The following DRC1 variants were observed in gnomAD, a reference collection of about 807,000 sequenced individuals.
The protein encoded by DRC1 is dynein regulatory complex protein 1.
In DRC1, 74 loss-of-function variants were observed where a neutral mutation model predicts 98.7. The ratio of observed to expected loss-of-function variants is 0.75; its 90% CI spans 0.62 to 0.91. The LOEUF is 0.91. Among genes scored for constraint, DRC1 ranks in the 40% least tolerant of loss-of-function variants. The pLI, the probability that DRC1 is intolerant of heterozygous loss-of-function variation, is 0.00. For missense variants in DRC1, 875 were observed against 886.0 expected, an observed-to-expected ratio of 0.99 and a Z score of 0.16; for synonymous variants, 336 against 334.1, an observed-to-expected ratio of 1.01 and a Z score of -0.06.
At chr2:26,414,004 G>A (rs1678709068) in intron 1 of DRC1, among the ~76,000 whole-genome samples, 1 of 151,526 alleles carries the variant, frequency 6.6e-6, no homozygotes, top group South Asian at 2.1e-4. Context: ...CAGTCCTTCT[G>A]CCTTGGCCTC....
intron 10 of DRC1, 79 bp from the exon 11 acceptor site, chr2:26,448,612 C>T: frequency 7.1e-7 from 1 of 1,413,152 alleles, no homozygotes; most frequent in South Asian, 1.2e-5. Flanking sequence ...GGAAAGCCAT[C>T]TGACTGTTTC....
intron 11 of DRC1, among the ~76,000 whole-genome samples, chr2:26,449,344 G>A (rs1663940747): frequency 6.6e-6 from 1 of 152,230 alleles, no homozygotes; most frequent in Admixed American, 6.5e-5. Flanking sequence ...TTCTGAAGTG[G>A]GTATTCTTTT....
intron 10 of DRC1, 96 bp downstream of exon 10, chr2:26,445,044 G>A (rs1663818663): frequency 6.2e-6 from 8 of 1,280,872 alleles, no homozygotes; most frequent in Non-Finnish European, 5.4e-6. Context: ...AGGGAGGAGG[G>A]GGAAGAGTAT....
At position 26,421,277 on chromosome 2, in the gene DRC1, T is replaced by C. The variant is rs1188439108; in HGVS notation, c.244-11T>C. 4 of 1,610,528 alleles carry C rather than the reference T, an allele frequency of 2.5e-6. No homozygotes were observed. In the African/African-American group the frequency reaches 5.4e-5, roughly 22 times the overall value. ...TTCTAGCTTTGTAAATTCTTATATC[T>C]CTCTTTTTAGAAATTGGCTAAACTT... On this transcript the variant is annotated splice_polypyrimidine_tract_variant and intron_variant, in intron 2 of 16. Transcript: ENST00000288710.
At chr2:26,436,504 G>T (rs1663574922) in intron 7 of DRC1, among the ~76,000 whole-genome samples, 1 of 152,004 alleles carries the variant, frequency 6.6e-6, no homozygotes, top group Non-Finnish European at 1.5e-5. Context: ...GTAGAGATAG[G>T]TTCTCACTTT....
chr2:26,407,277 T>C (rs943713118), intron 1 of DRC1, among the ~76,000 whole-genome samples: 1 of 151,952 alleles, frequency 6.6e-6, no homozygotes, highest in African/African-American at 2.4e-5. Flanking sequence ...AGCAATGAAA[T>C]TGTGGATGCT....
chr2:26,449,978 C>T lies in DRC1; in HGVS notation c.1510-18C>T, dbSNP rs376804115. On this transcript the variant is annotated intron_variant, in intron 11 of 16. Coordinates refer to ENST00000288710, the MANE Select transcript of DRC1 (RefSeq NM_145038.5). ...GAAACCTGTCCCCGACAGGAGATGC[C>T]TTCTTCCTTCTCCCCAGGGGTTCCT... 5.1e-5 allele frequency: 82 copies of T among 1,612,244 alleles called. No individual in the cohort carries two copies. The highest frequency in any genetic ancestry group is 6.8e-5 in the Non-Finnish European group (80 of 1,179,016).
chr2:26,430,490 A>T (rs1463581906), intron 5 of DRC1: 1 of 525,110 alleles, frequency 1.9e-6, no homozygotes, highest in South Asian at 1.5e-5. Flanking sequence ...CTGCCGTGTG[A>T]CTGCCAACAG....
chr2:26,453,380 T>C lies in DRC1; in HGVS notation c.1750T>C (p.Ser584Pro), dbSNP rs147712523. 1 of 1,613,814 alleles carries C rather than the reference T, an allele frequency of 6.2e-7. No individual in the cohort carries two copies. The highest frequency in any genetic ancestry group is 1.3e-5 in the African/African-American group (1 of 74,888). ...KASMEETSTR[S>P]ELELAEQTEM... is the part of the protein sequence containing the mutation. ...GAGCATGGAGGAGACAAGCACGAGG[T>C]CAGAATTGGAGCTGGCAGAGCAGAC... is the stretch of plus-strand genomic sequence containing the variant. Residue 584 changes from serine to proline, a missense_variant, in exon 14 of 17, where the codon TCA (serine) becomes CCA (proline). Transcript: ENST00000288710.
chr2:26,452,130 CAT>C (rs1482291919), intron 13 of DRC1, among the ~76,000 whole-genome samples: 2 of 151,350 alleles, frequency 1.3e-5, no homozygotes, highest in Admixed American at 1.3e-4. Context: ...GCAAGTATAA[CAT>C]AGCGATGACT....
chr2:26,424,258 T>C lies in DRC1; in HGVS notation c.357-13T>C. On this transcript the variant is annotated splice_polypyrimidine_tract_variant and intron_variant, in intron 3 of 16. Transcript: ENST00000288710. ...GAGCTGGGTTGGCATGGCTGGCATG[T>C]ATGTATTTGCAGGATTGAGAAGCTG... is the stretch of plus-strand genomic sequence containing the variant. The C allele has an allele frequency of 1.2e-6, 2 of 1,613,750 alleles. No homozygotes were observed. Among genetic ancestry groups the C allele is most frequent in the Non-Finnish European group, 1.7e-6 (2 of 1,179,856 alleles).
intron 16 of DRC1, among the ~76,000 whole-genome samples, chr2:26,455,730 T>C (rs1232712178): frequency 6.6e-6 from 1 of 152,240 alleles, no homozygotes; most frequent in Non-Finnish European, 1.5e-5. Flanking sequence ...TGGAGGGTCA[T>C]CCTCGCATGG....
intron 10 of DRC1, among the ~76,000 whole-genome samples, chr2:26,447,336 C>T (rs938008386): frequency 6.6e-6 from 1 of 151,826 alleles, no homozygotes; most frequent in African/African-American, 2.4e-5. Context: ...TCACTTGAAC[C>T]CGGGAGGTGG....
intron 7 of DRC1, among the ~76,000 whole-genome samples, chr2:26,432,454 A>C (rs1663459682): frequency 6.6e-6 from 1 of 152,036 alleles, no homozygotes; most frequent in Non-Finnish European, 1.5e-5. Context: ...AGCTGTGATC[A>C]TACCACTGCA....
chr2:26,419,965 A>G (rs775492161), intron 2 of DRC1, among the ~76,000 whole-genome samples: 1 of 152,160 alleles, frequency 6.6e-6, no homozygotes, highest in Non-Finnish European at 1.5e-5. Context: ...AAGACTCCAC[A>G]TATCATTAGC....
intron 1 of DRC1, among the ~76,000 whole-genome samples, chr2:26,409,652 TC>T (rs2147977091): frequency 6.6e-6 from 1 of 152,308 alleles, no homozygotes; most frequent in South Asian, 2.1e-4. Context: ...ATAGACACAT[TC>T]AGCAACAACT....
At chr2:26,445,008 C>G (rs1053068349) in intron 10 of DRC1, 60 bp downstream of exon 10, 1 of 1,539,722 alleles carries the variant, frequency 6.5e-7, no homozygotes, top group Non-Finnish European at 8.8e-7. Context: ...AACATCGGGT[C>G]AAGCCAGTCA....
chr2:26,438,839 C>T (rs979909492), intron 7 of DRC1, among the ~76,000 whole-genome samples: 23 of 152,184 alleles, frequency 1.5e-4, no homozygotes, highest in Non-Finnish European at 2.1e-4. Flanking sequence ...AGATAGCACA[C>T]ACGTGGCAGT....
Position 26,454,644 on chromosome 2 carries a change from C to A in DRC1, c.1920-3C>A, listed in dbSNP as rs1664091935. On this transcript the variant is annotated splice_polypyrimidine_tract_variant and splice_region_variant and intron_variant, in intron 14 of 16. Coordinates refer to ENST00000288710, the MANE Select transcript of DRC1 (RefSeq NM_145038.5). The surrounding 1 kb of genome is among the most constrained non-coding windows in gnomAD (Gnocchi z 5.2). ...TGACAATCACTGTGCTCTTGGCCTT[C>A]AGGGACTCGCGGGCCCCGCTGAGGG... 6.2e-7 allele frequency: 1 copy of A among 1,613,902 alleles called. No homozygotes were observed. The highest frequency in any genetic ancestry group is 8.5e-7 in the Non-Finnish European group (1 of 1,179,972).
Sources: allele counts gnomAD v4.1 joint callset (sites outside exome capture counted in the v4.1 genomes callset), GRCh38; gene constraint gnomAD v4.1.1; non-coding constraint Gnocchi (gnomAD v3.1); transcripts MANE v1.5; gene names NCBI Gene and HGNC (gene_info 2026-07-23, HGNC 2026-07-21).